Variants in SPATA31H1 observed in about 807,000 individuals in gnomAD.
The protein encoded by SPATA31H1 is SPATA31 subfamily H member 1.
the SPATA31H1 span, among the ~76,000 whole-genome samples, chr2:27,556,142 A>G: frequency 6.6e-6 from 1 of 151,338 alleles, no homozygotes; most frequent in Non-Finnish European, 1.5e-5. Flanking sequence ...CTCAAAAAAA[A>G]AAAAAAAAAA....
the SPATA31H1 span, among the ~76,000 whole-genome samples, chr2:27,563,846 C>T: frequency 6.6e-6 from 1 of 152,084 alleles, no homozygotes; most frequent in African/African-American, 2.4e-5. Context: ...TAGGCATGAG[C>T]CACCGTGCCT....
chr2:27,577,861 A>G, the SPATA31H1 span: 1 of 1,614,156 alleles, frequency 6.2e-7, no homozygotes, highest in Non-Finnish European at 8.5e-7. The surrounding 1 kb of genome is among the most constrained non-coding windows in gnomAD (Gnocchi z 4.5). Context: ...GTTATAGGAC[A>G]TGAAGAATCT....
the SPATA31H1 span, among the ~76,000 whole-genome samples, chr2:27,559,457 T>C: frequency 5.5e-3 from 833 of 152,362 alleles, 5 homozygotes; most frequent in South Asian, 0.024. Flanking sequence ...ATCTTGGCTC[T>C]TCTGGTTTTT....
the SPATA31H1 span, among the ~76,000 whole-genome samples, chr2:27,555,637 G>C: frequency 6.6e-6 from 1 of 151,782 alleles, no homozygotes; most frequent in Non-Finnish European, 1.5e-5. Flanking sequence ...TTGTGTCACC[G>C]CACTGCAGTG....
the SPATA31H1 span, among the ~76,000 whole-genome samples, chr2:27,553,931 AG>A: frequency 6.6e-6 from 1 of 151,474 alleles, no homozygotes; most frequent in Non-Finnish European, 1.5e-5. Flanking sequence ...TCAAAAAAAA[AG>A]AAAAGAAATC....
the SPATA31H1 span, chr2:27,578,574 T>C: frequency 6.2e-7 from 1 of 1,613,778 alleles, no homozygotes; most frequent in Non-Finnish European, 8.5e-7. Flanking sequence ...ACCGCAAACA[T>C]CTCCATTTGA....
chr2:27,577,128 A>G, the SPATA31H1 span: 1 of 1,614,170 alleles, frequency 6.2e-7, no homozygotes, highest in African/African-American at 1.3e-5. The surrounding 1 kb of genome is among the most constrained non-coding windows in gnomAD (Gnocchi z 4.5). Flanking sequence ...CCCAAAGCTA[A>G]CAGGTAGAGC....
the SPATA31H1 span, among the ~76,000 whole-genome samples, chr2:27,550,534 T>A: frequency 6.7e-6 from 1 of 149,690 alleles, no homozygotes; most frequent in African/African-American, 2.5e-5. Context: ...TTCTTGTGCC[T>A]CAGTCTCCTG....
At chr2:27,569,817 A>G in the SPATA31H1 span, 7 of 398,888 alleles carry the variant, frequency 1.8e-5, no homozygotes, top group African/African-American at 1.4e-4. Flanking sequence ...GCCAAGTGTC[A>G]AATCTTCTGA....
At chr2:27,571,041 C>T in the SPATA31H1 span, 1 of 398,510 alleles carries the variant, frequency 2.5e-6, no homozygotes, top group Non-Finnish European at 4.4e-6. Context: ...AGTCTTGAAA[C>T]TTAAAGGTTT....
chr2:27,569,632 C>A, the SPATA31H1 span: 1 of 398,816 alleles, frequency 2.5e-6, no homozygotes, highest in South Asian at 1.3e-4. Context: ...GGTCTAGAGT[C>A]ACAGTTGCAA....
chr2:27,539,101 CTTTTTTTTTTTTTTT>C, the SPATA31H1 span, among the ~76,000 whole-genome samples: 1 of 94,642 alleles, frequency 1.1e-5, no homozygotes. Flanking sequence ...TCATCATTTT[CTTTTTTTTTTTTTTT>C]TTTTTTTTTT....
chr2:27,581,056 C>A, the SPATA31H1 span: 5 of 1,614,100 alleles, frequency 3.1e-6, no homozygotes, highest in South Asian at 5.5e-5. Context: ...AGAAATGAAA[C>A]CTCCAGCCAG....
the SPATA31H1 span, chr2:27,574,611 T>C: frequency 2.5e-6 from 1 of 398,418 alleles, no homozygotes; most frequent in Non-Finnish European, 4.4e-6. Flanking sequence ...GGATTTCAAT[T>C]CTGGACAACA....
chr2:27,539,324 G>T, the SPATA31H1 span, among the ~76,000 whole-genome samples: 2 of 146,790 alleles, frequency 1.4e-5, no homozygotes, highest in Admixed American at 6.7e-5. Context: ...GACTCTTAAC[G>T]AGCATGCTGC....
chr2:27,548,659 T>G, the SPATA31H1 span, among the ~76,000 whole-genome samples: 3 of 151,756 alleles, frequency 2.0e-5, no homozygotes, highest in Non-Finnish European at 4.4e-5. Context: ...AATTATTATT[T>G]ATAGTCTGTT....
chr2:27,539,892 G>A, the SPATA31H1 span, among the ~76,000 whole-genome samples: 16 of 123,610 alleles, frequency 1.3e-4, no homozygotes, highest in Non-Finnish European at 1.7e-4. Flanking sequence ...CTCCCTCCCG[G>A]ATGGGGCGGC....
chr2:27,541,136 C>G, the SPATA31H1 span, among the ~76,000 whole-genome samples: 74 of 149,710 alleles, frequency 4.9e-4, no homozygotes, highest in South Asian at 2.1e-3. Context: ...TCTGCAATCC[C>G]GGCACCTCGG....
At chr2:27,580,416 A>G in the SPATA31H1 span, 1 of 1,614,072 alleles carries the variant, frequency 6.2e-7, no homozygotes, top group South Asian at 1.1e-5. Context: ...GAGAACCAAA[A>G]AGACCTCTGA....
Sources: allele counts gnomAD v4.1 joint callset (sites outside exome capture counted in the v4.1 genomes callset), GRCh38; gene constraint gnomAD v4.1.1; non-coding constraint Gnocchi (gnomAD v3.1); transcripts MANE v1.5; gene names NCBI Gene and HGNC (gene_info 2026-07-23, HGNC 2026-07-21).